The following MCF2L2 variants were observed in gnomAD, a reference collection of about 807,000 sequenced individuals.
The protein encoded by MCF2L2 is MCF.2 cell line derived transforming sequence-like 2.
MCF2L2 carries 102 observed loss-of-function variants against 150.2 expected under a neutral mutation model. The ratio of observed to expected loss-of-function variants is 0.68; its 90% CI spans 0.58 to 0.80. The LOEUF is 0.80. Among genes scored for constraint, MCF2L2 ranks in the 30% least tolerant of loss-of-function variants. MCF2L2 has a pLI of 0.00. For missense variants in MCF2L2, 1,256 were observed against 1,372.8 expected (o/e 0.91, Z 1.34); for synonymous variants, 465 against 491.3 (o/e 0.95, Z 0.71).
intron 27 of MCF2L2, among the ~76,000 whole-genome samples, chr3:183,183,400 C>T (rs1415580468): frequency 6.6e-6 from 1 of 152,246 alleles, no homozygotes; most frequent in Non-Finnish European, 1.5e-5. Context: ...CACTAAGGAG[C>T]TGGCAGCACT....
intron 27 of MCF2L2, among the ~76,000 whole-genome samples, chr3:183,186,298 A>G (rs1327316549): frequency 6.6e-6 from 1 of 152,190 alleles, no homozygotes; most frequent in Non-Finnish European, 1.5e-5. Flanking sequence ...ACTCTTGCCC[A>G]GGAGAGGTGC....
chr3:183,360,601 C>T (rs1195121265), intron 3 of MCF2L2, among the ~76,000 whole-genome samples: 2 of 151,876 alleles, frequency 1.3e-5, no homozygotes, highest in Non-Finnish European at 2.9e-5. Context: ...AGAATGTCTC[C>T]TCATCCTTAG....
chr3:183,380,545 G>C (rs1276902394), intron 2 of MCF2L2, among the ~76,000 whole-genome samples: 1 of 152,124 alleles, frequency 6.6e-6, no homozygotes, highest in African/African-American at 2.4e-5. Flanking sequence ...GGGATTACAG[G>C]CGTGCACCAC....
In MCF2L2 at chr3:183,296,979, T is replaced by C. The variant is rs780761944; in HGVS notation, c.1494A>G (p.Ala498=). 6 of 1,613,168 alleles carry C rather than the reference T, an allele frequency of 3.7e-6. No homozygotes were observed. In the South Asian group the frequency reaches 4.4e-5, roughly 12 times the overall value. The stretch of plus-strand genomic sequence containing the variant: ...CAAAATAACCCGGAAGCATTACCTT[T>C]GCATCGAGGGTGAGCAGCAACTCAA... ...NEFELLLTLD[A]KAKAQKVLQR... Residue 498 remains alanine, a synonymous_variant, in exon 12 of 30, where the codon GCA becomes GCG. Transcript: ENST00000328913.
intron 1 of MCF2L2, among the ~76,000 whole-genome samples, chr3:183,394,468 C>G (rs1316543618): frequency 2.0e-5 from 3 of 152,220 alleles, no homozygotes; most frequent in African/African-American, 7.2e-5. Context: ...ACCAGAGGCT[C>G]AGAGACACCA....
At chr3:183,219,973 C>CAAAATGTAGATTGTCAA (rs1271249140) in intron 20 of MCF2L2, 49 bp from the exon 21 acceptor site, 1 of 1,334,248 alleles carries the variant, frequency 7.5e-7, no homozygotes, top group Non-Finnish European at 1.1e-6. Flanking sequence ...ACATTGCCAT[C>CAAAATGTAGATTGTCAA]AAAATGTAGA....
chr3:183,221,483 C>T (rs1036800132), intron 20 of MCF2L2, among the ~76,000 whole-genome samples: 1 of 152,174 alleles, frequency 6.6e-6, no homozygotes, highest in African/African-American at 2.4e-5. Flanking sequence ...GGTTGTTAAA[C>T]TCTCGAGTCT....
At chr3:183,272,913 C>T (rs1577011338) in intron 15 of MCF2L2, 7 of 1,345,396 alleles carry the variant, frequency 5.2e-6, no homozygotes, top group Middle Eastern at 2.8e-4. Flanking sequence ...GCTGAAAGAG[C>T]TCTTCTGAAC....
intron 3 of MCF2L2, among the ~76,000 whole-genome samples, chr3:183,343,373 T>A (rs576429547): frequency 1.6e-3 from 137 of 84,974 alleles, no homozygotes; most frequent in African/African-American, 8.4e-3. Flanking sequence ...ATAACTTGAT[T>A]TTTTTTTTTT....
chr3:183,242,670 G>A (rs545378695), intron 15 of MCF2L2, among the ~76,000 whole-genome samples: 46 of 152,336 alleles, frequency 3.0e-4, no homozygotes, highest in African/African-American at 1.1e-3. Flanking sequence ...TCTGCTAGGG[G>A]AGTATGGAAG....
chr3:183,412,357 C>T (rs1381985062), intron 1 of MCF2L2, among the ~76,000 whole-genome samples: 1 of 152,050 alleles, frequency 6.6e-6, no homozygotes, highest in Non-Finnish European at 1.5e-5. Context: ...TGCAGTGGTG[C>T]GATCTCAGCT....
chr3:183,314,293 G>A (rs1273278674), intron 7 of MCF2L2, among the ~76,000 whole-genome samples: 2 of 152,160 alleles, frequency 1.3e-5, no homozygotes, highest in Non-Finnish European at 2.9e-5. Flanking sequence ...TTCTGGGGAA[G>A]AGCCTTCTTT....
chr3:183,348,177 TA>T lies in MCF2L2; in HGVS notation c.276-6548del, dbSNP rs1249561525. Among the ~76,000 whole-genome samples the T allele has an allele frequency of 3.3e-5, 5 of 151,942 alleles. No homozygotes were observed. The East Asian group carries it at 9.7e-4, about 29-fold the overall frequency. On this transcript the variant is annotated intron_variant, in intron 3 of 29. Coordinates refer to ENST00000328913, the MANE Select transcript of MCF2L2 (RefSeq NM_015078.4). Reference sequence around the variant, plus strand: ...AAATGCCCATCAATGATAGACTGGATAAAAAAAATGTGGTTCATATACACCA... The same window carrying T: ...AAATGCCCATCAATGATAGACTGGATAAAAAAATGTGGTTCATATACACCA...
intron 1 of MCF2L2, chr3:183,400,519 G>A (rs756192710): frequency 1.3e-5 from 6 of 455,090 alleles, no homozygotes; most frequent in South Asian, 4.7e-5. Flanking sequence ...GCGCCACCTC[G>A]CTCGCTCTCC....
intron 3 of MCF2L2, among the ~76,000 whole-genome samples, chr3:183,366,222 T>C (rs145622320): frequency 7.2e-5 from 11 of 152,328 alleles, no homozygotes; most frequent in African/African-American, 2.4e-4. Context: ...TTGTTATCAG[T>C]AACACTGGAT....
At chr3:183,232,042 T>C (rs184351283) in intron 15 of MCF2L2, among the ~76,000 whole-genome samples, 52 of 152,298 alleles carry the variant, frequency 3.4e-4, no homozygotes, top group Non-Finnish European at 6.2e-4. Flanking sequence ...GTAATCCAGT[T>C]GGGCCTGTCC....
At chr3:183,206,018 C>G in intron 24 of MCF2L2, 64 bp from the exon 25 acceptor site, 1 of 1,558,932 alleles carries the variant, frequency 6.4e-7, no homozygotes, top group Non-Finnish European at 8.8e-7. Flanking sequence ...AGTTTTTATT[C>G]TCCCAGTGAC....
At chr3:183,400,270 C>A (rs548097438) in intron 1 of MCF2L2, 31 of 307,418 alleles carry the variant, frequency 1.0e-4, no homozygotes, top group Non-Finnish European at 1.9e-4. Flanking sequence ...TGTAAAATTT[C>A]TTCGCTTTAA....
intron 5 of MCF2L2, among the ~76,000 whole-genome samples, chr3:183,331,765 G>T (rs4859161): frequency 0.092 from 13,990 of 152,254 alleles, 1,452 homozygotes; most frequent in African/African-American, 0.25. Flanking sequence ...GCCAAGGCAG[G>T]AGGATCACTT....
Sources: gnomAD v4.1 joint callset for allele counts (sites outside exome capture counted in the v4.1 genomes callset) on GRCh38, gnomAD v4.1.1 for gene constraint, MANE v1.5 for transcripts, NCBI Gene and HGNC (gene_info 2026-07-23, HGNC 2026-07-21) for gene names.